Variants in SPTLC1 observed in about 807,000 individuals in gnomAD.
The protein encoded by SPTLC1 is serine palmitoyltransferase long chain base subunit 1, also known as serine palmitoyltransferase 1.
In SPTLC1, 55 loss-of-function variants were observed where a neutral mutation model predicts 68.9. The observed-to-expected ratio is 0.80, with a 90% CI of 0.64 to 1.00. The LOEUF (loss-of-function observed/expected upper bound fraction) is 1.00, where lower values mean the gene tolerates loss of function less well. Ranked by LOEUF, SPTLC1 falls within the 50% of genes least tolerant of loss-of-function variation. The pLI, the probability that SPTLC1 is intolerant of heterozygous loss-of-function variation, is 0.00. For missense variants in SPTLC1, 449 were observed against 573.1 expected, an observed-to-expected ratio of 0.78 and a Z score of 2.21; for synonymous variants, 197 against 201.6, an observed-to-expected ratio of 0.98 and a Z score of 0.19.
At chr9:92,075,759 ACCTC>A (rs1834661719) in intron 5 of SPTLC1, among the ~76,000 whole-genome samples, 1 of 151,920 alleles carries the variant, frequency 6.6e-6, no homozygotes, top group African/African-American at 2.4e-5. Flanking sequence ...TCGGCTCCCC[ACCTC>A]CTCCAGCTCT....
At chr9:92,081,950 A>G (rs963447915) in intron 3 of SPTLC1, among the ~76,000 whole-genome samples, 4 of 152,214 alleles carry the variant, frequency 2.6e-5, no homozygotes, top group Non-Finnish European at 4.4e-5. Context: ...GACAACTTGA[A>G]GTAAATTCAT....
intron 3 of SPTLC1, among the ~76,000 whole-genome samples, chr9:92,097,253 T>C (rs749265193): frequency 6.6e-6 from 1 of 152,222 alleles, no homozygotes; most frequent in Non-Finnish European, 1.5e-5. Context: ...GAAAACAGTT[T>C]GGGGGTTCCT....
At chr9:92,043,137 A>G (rs1452637825) in intron 12 of SPTLC1, among the ~76,000 whole-genome samples, 1 of 152,182 alleles carries the variant, frequency 6.6e-6, no homozygotes, top group Admixed American at 6.5e-5. Context: ...TCACCAAGTC[A>G]TAATACCTCT....
chr9:92,092,998 C>CA (rs975992828), intron 3 of SPTLC1, among the ~76,000 whole-genome samples: 3 of 152,112 alleles, frequency 2.0e-5, no homozygotes, highest in Non-Finnish European at 4.4e-5. Flanking sequence ...TATTATCTTT[C>CA]AAAACCTTTT....
intron 12 of SPTLC1, among the ~76,000 whole-genome samples, chr9:92,042,070 A>G (rs1179790156): frequency 6.6e-6 from 1 of 152,190 alleles, no homozygotes; most frequent in African/African-American, 2.4e-5. Flanking sequence ...ACTGCACTCC[A>G]GCCTGGGCAA....
intron 3 of SPTLC1, among the ~76,000 whole-genome samples, chr9:92,083,112 T>C (rs1226358036): frequency 6.6e-6 from 1 of 151,394 alleles, no homozygotes; most frequent in Admixed American, 6.6e-5. Context: ...GTAAATTTGT[T>C]TGAGTTCATT....
At chr9:92,090,157 A>G (rs910273232) in intron 3 of SPTLC1, among the ~76,000 whole-genome samples, 4 of 152,236 alleles carry the variant, frequency 2.6e-5, no homozygotes, top group Non-Finnish European at 5.9e-5. Context: ...GAAAGTGGTA[A>G]ATAGGTAAAG....
In SPTLC1 at chr9:92,034,840, T is replaced by C. The variant is rs1833089051; in HGVS notation, c.1298A>G (p.Glu433Gly). 6.2e-7 allele frequency: 1 copy of C among 1,614,190 alleles called. No homozygotes were observed. Reference protein sequence around the residue: ...SIALTQARYLEKEEKCLPPPS... With the variant: ...SIALTQARYLGKEEKCLPPPS... ...AGGAGGGAGACACTTCTCTTCTTTC[T>C]CCAAGTAGCGCGCCTGAGTTAATGC... Residue 433 changes from glutamate (E) to glycine (G), a missense_variant, in exon 14 of 15, where the codon GAG (glutamate) becomes GGG (glycine). Physicochemically the swap from Glu to Gly is moderately conservative, Grantham distance 98 (BLOSUM62 -2). Coordinates refer to ENST00000262554, the MANE Select transcript of SPTLC1 (RefSeq NM_006415.4).
chr9:92,072,879 C>T (rs1296377374), intron 5 of SPTLC1, among the ~76,000 whole-genome samples: 1 of 152,004 alleles, frequency 6.6e-6, no homozygotes, highest in African/African-American at 2.4e-5. Context: ...TTCCTTATCT[C>T]CCTTCCATCT....
intron 6 of SPTLC1, among the ~76,000 whole-genome samples, chr9:92,062,185 CAA>C (rs1373132494): frequency 1.1e-4 from 17 of 152,090 alleles, no homozygotes; most frequent in African/African-American, 3.9e-4. Flanking sequence ...GGGTATCTGA[CAA>C]AGTAAACTTT....
intron 3 of SPTLC1, 74 bp from the exon 4 acceptor site, chr9:92,081,037 G>A: frequency 1.7e-6 from 2 of 1,147,710 alleles, no homozygotes; most frequent in Non-Finnish European, 2.6e-6. Flanking sequence ...TTGGTGGTAG[G>A]CACAACAACA....
chr9:92,086,834 G>A (rs1300449663), intron 3 of SPTLC1, among the ~76,000 whole-genome samples: 2 of 152,202 alleles, frequency 1.3e-5, no homozygotes, highest in South Asian at 4.1e-4. Context: ...ATCCTGCAGA[G>A]TGTTTTCCAA....
At chr9:92,076,652 C>T (rs1447022570) in intron 5 of SPTLC1, 1 of 152,206 alleles carries the variant, frequency 6.6e-6, no homozygotes, top group Non-Finnish European at 1.5e-5. Flanking sequence ...AATCACCTCT[C>T]AATGGGCTAT....
Position 92,105,255 on chromosome 9 carries a change from C to T in SPTLC1, c.260+3485G>A, listed in dbSNP as rs1465095898. 68 of 1,534,304 alleles carry T rather than the reference C, an allele frequency of 4.4e-5. No homozygotes were observed. In the African/African-American group the frequency reaches 4.9e-4, roughly 11 times the overall value. On this transcript the variant is annotated intron_variant, in intron 3 of 14. Coordinates refer to ENST00000262554, the MANE Select transcript of SPTLC1 (RefSeq NM_006415.4). ...TGGGAGAGAGATGAGGGGCCCCCACCGGCTAAGCTTCCATGTCTATCTCCT... is the reference window on the plus strand; with the variant it reads ...TGGGAGAGAGATGAGGGGCCCCCACTGGCTAAGCTTCCATGTCTATCTCCT...
chr9:92,075,533 G>T (rs151251868), intron 5 of SPTLC1, among the ~76,000 whole-genome samples: 1 of 152,138 alleles, frequency 6.6e-6, no homozygotes, highest in African/African-American at 2.4e-5. Flanking sequence ...TGCGCTGTAG[G>T]AATTCTTACT....
At chr9:92,087,586 C>G (rs1415716534) in intron 3 of SPTLC1, among the ~76,000 whole-genome samples, 8 of 152,214 alleles carry the variant, frequency 5.3e-5, no homozygotes, top group Non-Finnish European at 8.8e-5. Context: ...ATGCTGCTGT[C>G]TGATCGTTCC....
intron 4 of SPTLC1, 33 bp downstream of exon 4, chr9:92,080,837 T>C: frequency 6.6e-7 from 1 of 1,508,862 alleles, no homozygotes; most frequent in South Asian, 1.1e-5. Context: ...TCAGTAATGT[T>C]ATCTGTCCAC....
At chr9:92,040,262 C>T (rs372658359) in intron 12 of SPTLC1, among the ~76,000 whole-genome samples, 2 of 151,594 alleles carry the variant, frequency 1.3e-5, no homozygotes, top group Non-Finnish European at 2.9e-5. Flanking sequence ...CCCAGCTACT[C>T]GGGAGGCTGA....
intron 7 of SPTLC1, among the ~76,000 whole-genome samples, chr9:92,057,781 C>A: frequency 6.6e-6 from 1 of 151,852 alleles, no homozygotes; most frequent in Non-Finnish European, 1.5e-5. Flanking sequence ...TTTCTAAAAA[C>A]CAAAATGTAG....
Sources: gnomAD v4.1 joint callset for allele counts (sites outside exome capture counted in the v4.1 genomes callset) on GRCh38, gnomAD v4.1.1 for gene constraint, MANE v1.5 for transcripts, NCBI Gene and HGNC (gene_info 2026-07-23, HGNC 2026-07-21) for gene names.